The following PLCB1 variants were observed in gnomAD, a reference collection of about 807,000 sequenced individuals.
The protein encoded by PLCB1 is phospholipase C beta 1, also known as 1-phosphatidylinositol 4,5-bisphosphate phosphodiesterase beta-1.
PLCB1 carries 46 observed loss-of-function variants against 161.8 expected under a neutral mutation model. The ratio of observed to expected loss-of-function variants is 0.28; its 90% CI spans 0.22 to 0.36. The LOEUF (loss-of-function observed/expected upper bound fraction) is 0.36, where lower values mean the gene tolerates loss of function less well. Among genes scored for constraint, PLCB1 ranks in the 10% least tolerant of loss-of-function variants. PLCB1 has a pLI of 1.00. For synonymous variants in PLCB1, 517 were observed against 503.7 expected, an observed-to-expected ratio of 1.03 and a Z score of -0.35; for missense variants, 1,016 against 1,472.5, an observed-to-expected ratio of 0.69 and a Z score of 5.07.
chr20:8,220,802 TA>T (rs1185793812), intron 2 of PLCB1, among the ~76,000 whole-genome samples: 1 of 152,200 alleles, frequency 6.6e-6, no homozygotes, highest in African/African-American at 2.4e-5. Flanking sequence ...AGGAAACTAA[TA>T]CAAGTGTTCA....
chr20:8,822,252 T>G (rs1985469224), intron 31 of PLCB1, among the ~76,000 whole-genome samples: 2 of 152,212 alleles, frequency 1.3e-5, no homozygotes, highest in African/African-American at 4.8e-5. Flanking sequence ...TATTCTTATT[T>G]TTTAAATTGG....
At chr20:8,393,735 T>G (rs921080824) in intron 3 of PLCB1, among the ~76,000 whole-genome samples, 1 of 152,172 alleles carries the variant, frequency 6.6e-6, no homozygotes, top group Non-Finnish European at 1.5e-5. Context: ...TTCTTTCTTT[T>G]TTCTTTAACT....
chr20:8,485,404 T>A (rs1982676746), intron 3 of PLCB1, among the ~76,000 whole-genome samples: 1 of 152,240 alleles, frequency 6.6e-6, no homozygotes, highest in South Asian at 2.1e-4. Context: ...TCAAATCAAT[T>A]GTAAGCTGCC....
At chr20:8,845,650 G>GT (rs1176927551) in intron 31 of PLCB1, among the ~76,000 whole-genome samples, 1 of 151,958 alleles carries the variant, frequency 6.6e-6, no homozygotes, top group African/African-American at 2.4e-5. Context: ...TATATCAAGG[G>GT]TTTTTTTGGT....
intron 2 of PLCB1, among the ~76,000 whole-genome samples, chr20:8,166,515 TA>T (rs2051676922): frequency 6.6e-6 from 1 of 152,156 alleles, no homozygotes; most frequent in African/African-American, 2.4e-5. Flanking sequence ...CACCTGCACT[TA>T]AAACTTATTT....
intron 2 of PLCB1, among the ~76,000 whole-genome samples, chr20:8,264,575 A>G (rs1192278395): frequency 6.6e-6 from 1 of 152,182 alleles, no homozygotes; most frequent in African/African-American, 2.4e-5. Context: ...CCATAAACGC[A>G]TGAGTGATGT....
intron 3 of PLCB1, among the ~76,000 whole-genome samples, chr20:8,425,051 A>G (rs1979693844): frequency 6.6e-6 from 1 of 151,928 alleles, no homozygotes; most frequent in South Asian, 2.1e-4. Flanking sequence ...CAGAGGCTGA[A>G]GTGAAGTTAC....
intron 23 of PLCB1, among the ~76,000 whole-genome samples, chr20:8,756,194 A>G (rs554434793): frequency 2.7e-4 from 41 of 152,326 alleles, no homozygotes; most frequent in African/African-American, 9.4e-4. Context: ...GCCAGAAACA[A>G]TTCTAAGTAC....
chr20:8,714,326 G>T (rs1979183584), intron 12 of PLCB1, among the ~76,000 whole-genome samples: 1 of 152,076 alleles, frequency 6.6e-6, no homozygotes, highest in Admixed American at 6.6e-5. Flanking sequence ...GGAAATGGAG[G>T]GTTTGGCCAT....
intron 3 of PLCB1, among the ~76,000 whole-genome samples, chr20:8,452,803 G>A (rs542306869): frequency 6.6e-6 from 1 of 152,298 alleles, no homozygotes; most frequent in African/African-American, 2.4e-5. Context: ...AGATATTCTG[G>A]TAGGAACACT....
At chr20:8,604,300 T>C (rs74823500) in intron 3 of PLCB1, among the ~76,000 whole-genome samples, 1,876 of 151,316 alleles carry the variant, frequency 0.012, 49 homozygotes, top group African/African-American at 0.041. Flanking sequence ...TATTTTATGT[T>C]ATGTAAATTT....
At chr20:8,647,774 T>C in intron 5 of PLCB1, 126 bp from the exon 6 acceptor site, 1 of 706,604 alleles carries the variant, frequency 1.4e-6, no homozygotes, top group South Asian at 1.6e-5. Context: ...CTGTGGAGAC[T>C]TGGGCAGTTT....
At chr20:8,390,845 G>A (rs1600368363) in intron 3 of PLCB1, among the ~76,000 whole-genome samples, 1 of 151,968 alleles carries the variant, frequency 6.6e-6, no homozygotes, top group East Asian at 1.9e-4. Flanking sequence ...CCAATAACAA[G>A]CTGTATAATC....
intron 3 of PLCB1, among the ~76,000 whole-genome samples, chr20:8,569,187 C>T (rs925583629): frequency 1.3e-5 from 2 of 152,126 alleles, no homozygotes; most frequent in Non-Finnish European, 2.9e-5. Flanking sequence ...TTGTTTGCCT[C>T]GAAAGTCATC....
intron 31 of PLCB1, among the ~76,000 whole-genome samples, chr20:8,812,506 G>A (rs193006594): frequency 2.6e-5 from 4 of 152,270 alleles, no homozygotes; most frequent in East Asian, 1.9e-4. Context: ...ACTGAAGTCC[G>A]CTGGACTCAA....
chr20:8,543,784 G>A (rs995894943), intron 3 of PLCB1, among the ~76,000 whole-genome samples: 3 of 152,086 alleles, frequency 2.0e-5, no homozygotes, highest in Admixed American at 6.5e-5. Context: ...TCTCGTGATA[G>A]TGAGTGACTT....
At chr20:8,299,522 C>T (rs1983798476) in intron 2 of PLCB1, among the ~76,000 whole-genome samples, 2 of 152,174 alleles carry the variant, frequency 1.3e-5, no homozygotes, top group South Asian at 2.1e-4. Flanking sequence ...TGTCCACTCC[C>T]AAATTCACGT....
chr20:8,425,059 T>G (rs1979694564), intron 3 of PLCB1, among the ~76,000 whole-genome samples: 1 of 151,444 alleles, frequency 6.6e-6, no homozygotes, highest in African/African-American at 2.4e-5. Context: ...GAAGTGAAGT[T>G]ACAAAGGTCA....
At chr20:8,352,366 G>C (rs969672617) in intron 2 of PLCB1, among the ~76,000 whole-genome samples, 1 of 152,020 alleles carries the variant, frequency 6.6e-6, no homozygotes, top group Non-Finnish European at 1.5e-5. Context: ...AATCTTTTTA[G>C]GATAGGGAAA....
Sources: gnomAD v4.1 joint callset for allele counts (sites outside exome capture counted in the v4.1 genomes callset) on GRCh38, gnomAD v4.1.1 for gene constraint, MANE v1.5 for transcripts, NCBI Gene and HGNC (gene_info 2026-07-23, HGNC 2026-07-21) for gene names.